COL22A1: variants seen among roughly 807,000 people sequenced by gnomAD.
COL22A1 encodes the protein collagen type XXII alpha 1 chain, also known as collagen alpha-1(XXII) chain.
Under a neutral mutation model 248.9 loss-of-function variants are expected in COL22A1, and 221 were observed. The observed-to-expected ratio is 0.89, with a 90% confidence interval of 0.80 to 0.99. The LOEUF (loss-of-function observed/expected upper bound fraction) is 0.99, where lower values mean the gene tolerates loss of function less well. Among genes scored for constraint, COL22A1 ranks in the 50% least tolerant of loss-of-function variants. The probability of loss-of-function intolerance (pLI) is 0.00; values close to 1 mark genes in which losing one functional copy is unlikely to be tolerated. For synonymous variants in COL22A1, 891 were observed against 793.4 expected (o/e 1.12, Z -2.07); for missense variants, 2,240 against 2,179.0 (o/e 1.03, Z -0.56).
rs148331582 is a variant in COL22A1 at position 138,682,550 on chromosome 8, A to G, written c.3012+1875T>C. 4.1e-3 allele frequency among the ~76,000 whole-genome samples: 619 copies of G among 152,278 alleles called. 4 individuals carry two copies. The highest frequency in any genetic ancestry group is 0.014 in the African/African-American group (585 of 41,562). ...CATCTGAGTTAGTCAAATAATTTTC[A>G]CTGGATATGGGCATACCTAGAGCTC... is the stretch of plus-strand genomic sequence containing the variant. On this transcript the variant is annotated intron_variant, in intron 39 of 64. Coordinates refer to ENST00000303045, the MANE Select transcript of COL22A1 (RefSeq NM_152888.3).
chr8:138,844,467 A>G (rs1821091486), intron 3 of COL22A1, among the ~76,000 whole-genome samples: 1 of 152,198 alleles, frequency 6.6e-6, no homozygotes. Context: ...CAATATTAAC[A>G]ACATAGCGGA....
At chr8:138,639,345 A>G (rs1035782935) in intron 47 of COL22A1, among the ~76,000 whole-genome samples, 1 of 152,202 alleles carries the variant, frequency 6.6e-6, no homozygotes, top group Non-Finnish European at 1.5e-5. Flanking sequence ...CTATTTTCCT[A>G]GAACATGATG....
intron 48 of COL22A1, among the ~76,000 whole-genome samples, chr8:138,636,398 G>A (rs929910112): frequency 1.3e-5 from 2 of 150,686 alleles, no homozygotes; most frequent in African/African-American, 4.9e-5. Flanking sequence ...GAGGGAAGAA[G>A]GGGGAATTTT....
intron 52 of COL22A1, chr8:138,620,482 T>C (rs1819697199): frequency 6.6e-6 from 1 of 152,182 alleles, no homozygotes; most frequent in African/African-American, 2.4e-5. Context: ...GTTTCTTAGT[T>C]TAGCTGTGTG....
At chr8:138,824,502 CTCCA>C (rs1819421606) in intron 6 of COL22A1, among the ~76,000 whole-genome samples, 1 of 152,192 alleles carries the variant, frequency 6.6e-6, no homozygotes, top group Non-Finnish European at 1.5e-5. Flanking sequence ...GCCTGTGCAA[CTCCA>C]CAGAGTCTCT....
Position 138,755,483 on chromosome 8 carries a change from T to C in COL22A1, c.1976A>G (p.Gln659Arg). The C allele has an allele frequency of 1.2e-6, 2 of 1,613,934 alleles. No individual in the cohort carries two copies. Among genetic ancestry groups the C allele is most frequent in the Non-Finnish European group, 1.7e-6 (2 of 1,179,822 alleles). The change falls in exon 20 of 65, where the codon CAG (glutamine) becomes CGG (arginine). Residue 659 changes from glutamine (Q) to arginine (R), a missense_variant and splice_region_variant. Physicochemically the swap from Gln to Arg is conservative, Grantham distance 43 (BLOSUM62 1). Coordinates refer to ENST00000303045, the MANE Select transcript of COL22A1 (RefSeq NM_152888.3). ...GAAGAAGACGCGTGTGCCTCTTACCTGTTCCCCTTTCAAGCCCTCTTGCTG... is the reference window on the plus strand; with the variant it reads ...GAAGAAGACGCGTGTGCCTCTTACCCGTTCCCCTTTCAAGCCCTCTTGCTG... ...VVQQEGLKGEQGAPGPRGHQG... is the reference protein window; with the variant it reads ...VVQQEGLKGERGAPGPRGHQG...
chr8:138,714,786 C>T (rs368539810), intron 30 of COL22A1, among the ~76,000 whole-genome samples: 1 of 152,278 alleles, frequency 6.6e-6, no homozygotes, highest in South Asian at 2.1e-4. Flanking sequence ...CATGATGCCC[C>T]CTTGATTTAG....
chr8:138,683,572 C>T (rs1470768856), intron 39 of COL22A1, among the ~76,000 whole-genome samples: 1 of 152,150 alleles, frequency 6.6e-6, no homozygotes, highest in Admixed American at 6.5e-5. Flanking sequence ...TAGCAATCTC[C>T]AGGCCTGGCC....
At chr8:138,843,423 G>A (rs1821023563) in intron 4 of COL22A1, among the ~76,000 whole-genome samples, 1 of 152,184 alleles carries the variant, frequency 6.6e-6, no homozygotes, top group Non-Finnish European at 1.5e-5. Flanking sequence ...GAGCAGGGCT[G>A]CTGTTCTGCA....
chr8:138,658,078 C>A (rs1307056031), intron 44 of COL22A1, among the ~76,000 whole-genome samples: 1 of 152,186 alleles, frequency 6.6e-6, no homozygotes, highest in African/African-American at 2.4e-5. Flanking sequence ...TCCAGAGAAC[C>A]TAATCTGACA....
chr8:138,908,813 A>T (rs761974078), intron 1 of COL22A1, among the ~76,000 whole-genome samples: 2 of 152,208 alleles, frequency 1.3e-5, no homozygotes, highest in African/African-American at 4.8e-5. Context: ...AAGTACCCCA[A>T]AAAGATAGAA....
At chr8:138,812,204 A>C (rs966262821) in intron 8 of COL22A1, among the ~76,000 whole-genome samples, 3 of 152,012 alleles carry the variant, frequency 2.0e-5, no homozygotes, top group Admixed American at 6.6e-5. Context: ...TTCCTTCTTC[A>C]TCCCATTCTG....
chr8:138,829,041 G>A (rs928844366), intron 5 of COL22A1, among the ~76,000 whole-genome samples: 20 of 152,256 alleles, frequency 1.3e-4, no homozygotes, highest in East Asian at 3.8e-4. Flanking sequence ...GTGGGGAGGC[G>A]TCTGAGTTCC....
chr8:138,652,735 GTTTTTTTTT>G (rs71316352), intron 45 of COL22A1, among the ~76,000 whole-genome samples: 32 of 54,282 alleles, frequency 5.9e-4, no homozygotes, highest in East Asian at 4.2e-3. Context: ...TCCTTTTCTG[GTTTTTTTTT>G]TTTTTTTTTT....
chr8:138,810,669 G>C (rs1028527964), intron 9 of COL22A1, among the ~76,000 whole-genome samples: 1 of 152,182 alleles, frequency 6.6e-6, no homozygotes, highest in African/African-American at 2.4e-5. Flanking sequence ...ACTCCCCAAG[G>C]GTTCCCTGTA....
At chr8:138,654,952 C>T (rs1453150597) in intron 45 of COL22A1, among the ~76,000 whole-genome samples, 3 of 152,298 alleles carry the variant, frequency 2.0e-5, no homozygotes, top group South Asian at 2.1e-4. Context: ...ACTGAACCTG[C>T]GCTCTGGTCC....
At chr8:138,754,526 G>C (rs1449928993) in intron 21 of COL22A1, among the ~76,000 whole-genome samples, 1 of 152,164 alleles carries the variant, frequency 6.6e-6, no homozygotes, top group Admixed American at 6.6e-5. Context: ...ACAGTAACTT[G>C]AAAGCAACAG....
intron 25 of COL22A1, among the ~76,000 whole-genome samples, chr8:138,722,500 T>C (rs1006579149): frequency 6.6e-6 from 1 of 152,336 alleles, no homozygotes; most frequent in East Asian, 1.9e-4. Context: ...CCCACTGCTA[T>C]CCTCCCTTCC....
chr8:138,679,469 G>A, intron 40 of COL22A1, 148 bp downstream of exon 40: 1 of 699,578 alleles, frequency 1.4e-6, no homozygotes, highest in Non-Finnish European at 2.5e-6. Context: ...ATTTCCCCTT[G>A]TCTGGGATCT....
Sources: allele counts gnomAD v4.1 joint callset (sites outside exome capture counted in the v4.1 genomes callset), GRCh38; gene constraint gnomAD v4.1.1; transcripts MANE v1.5; gene names NCBI Gene and HGNC (gene_info 2026-07-23, HGNC 2026-07-21).